SEMA5A: variants seen among roughly 807,000 people sequenced by gnomAD.
SEMA5A encodes the protein semaphorin 5A, also known as semaphorin-5A.
Under a neutral mutation model 135.5 loss-of-function variants are expected in SEMA5A, and 55 were observed. The ratio of observed to expected loss-of-function variants is 0.41; its 90% CI spans 0.33 to 0.51. The LOEUF (loss-of-function observed/expected upper bound fraction) is 0.51, where lower values mean the gene tolerates loss of function less well. Ranked by LOEUF, SEMA5A falls within the 20% of genes least tolerant of loss-of-function variation. The probability of loss-of-function intolerance (pLI) is 0.37; values close to 1 mark genes in which losing one functional copy is unlikely to be tolerated. For synonymous variants in SEMA5A, 580 were observed against 546.5 expected, an observed-to-expected ratio of 1.06 and a Z score of -0.85; for missense variants, 1,290 against 1,419.9, an observed-to-expected ratio of 0.91 and a Z score of 1.47.
intron 8 of SEMA5A, among the ~76,000 whole-genome samples, chr5:9,221,153 C>T (rs1746929508): frequency 6.6e-6 from 1 of 152,170 alleles, no homozygotes; most frequent in East Asian, 1.9e-4. Flanking sequence ...AGAGAGAAGT[C>T]TGAGAGCATC....
chr5:9,477,596 GC>G (rs1759717184), intron 1 of SEMA5A, among the ~76,000 whole-genome samples: 1 of 152,176 alleles, frequency 6.6e-6, no homozygotes, highest in Admixed American at 6.5e-5. Context: ...GAGACTGGTG[GC>G]ATTGTGCCCC....
chr5:9,421,609 C>G (rs1316934077), intron 2 of SEMA5A, among the ~76,000 whole-genome samples: 1 of 152,076 alleles, frequency 6.6e-6, no homozygotes, highest in African/African-American at 2.4e-5. Flanking sequence ...ACCACTTTTC[C>G]AAAATATGTA....
intron 12 of SEMA5A, among the ~76,000 whole-genome samples, chr5:9,152,711 A>G (rs1056627559): frequency 3.3e-5 from 5 of 152,348 alleles, no homozygotes; most frequent in Middle Eastern, 3.4e-3. Flanking sequence ...ATTTGAGTCT[A>G]CAGCAATTCA....
At chr5:9,213,001 G>A (rs988162439) in intron 8 of SEMA5A, among the ~76,000 whole-genome samples, 8 of 152,164 alleles carry the variant, frequency 5.3e-5, no homozygotes, top group African/African-American at 1.9e-4. Context: ...CAGTAGATGT[G>A]GTGTCTGGCA....
chr5:9,266,521 T>C (rs1209558689), intron 5 of SEMA5A, among the ~76,000 whole-genome samples: 1 of 152,218 alleles, frequency 6.6e-6, no homozygotes, highest in Non-Finnish European at 1.5e-5. Flanking sequence ...TTAATGTAAT[T>C]TCAGGCTAAA....
Position 9,405,694 on chromosome 5 carries a change from G to T in SEMA5A, c.-77-25671C>A, listed in dbSNP as rs145780871. ...AATACGTACAAAAGGTGGCCAGAAT[G>T]CTGGGTGCACAGCTAATGGCCAATA... On this transcript the variant is annotated intron_variant, in intron 2 of 22. Transcript: ENST00000382496. Among the ~76,000 whole-genome samples the T allele has an allele frequency of 1.9e-3, 282 of 152,340 alleles. 1 individual carries two copies. The highest frequency in any genetic ancestry group is 6.6e-3 in the African/African-American group (273 of 41,582).
At chr5:9,125,857 C>T (rs763818193) in intron 13 of SEMA5A, among the ~76,000 whole-genome samples, 22 of 152,110 alleles carry the variant, frequency 1.4e-4, no homozygotes, top group Non-Finnish European at 2.4e-4. Context: ...CAACATTCTC[C>T]TTTCACCTGT....
At chr5:9,448,552 C>T (rs1396706963) in intron 1 of SEMA5A, among the ~76,000 whole-genome samples, 1 of 152,224 alleles carries the variant, frequency 6.6e-6, no homozygotes, top group African/African-American at 2.4e-5. Context: ...CAGTATTAAA[C>T]TGACTGCTGG....
chr5:9,200,101 T>G (rs1287874858), intron 9 of SEMA5A, among the ~76,000 whole-genome samples: 6 of 152,200 alleles, frequency 3.9e-5, no homozygotes, highest in African/African-American at 1.4e-4. Flanking sequence ...TGGAAAATAT[T>G]GTGAAATTTG....
At chr5:9,479,241 C>T (rs1759782250) in intron 1 of SEMA5A, among the ~76,000 whole-genome samples, 1 of 152,078 alleles carries the variant, frequency 6.6e-6, no homozygotes, top group South Asian at 2.1e-4. Context: ...ACAGACTAAT[C>T]TACATGGTGA....
intron 2 of SEMA5A, among the ~76,000 whole-genome samples, chr5:9,414,855 G>A (rs764566714): frequency 4.6e-5 from 7 of 152,130 alleles, no homozygotes; most frequent in African/African-American, 9.7e-5. Flanking sequence ...CCAAGAGCCC[G>A]TTACCTTGTA....
intron 1 of SEMA5A, among the ~76,000 whole-genome samples, chr5:9,526,837 T>A (rs1737150472): frequency 6.6e-6 from 1 of 152,200 alleles, no homozygotes; most frequent in African/African-American, 2.4e-5. Context: ...GGGCTGTCAG[T>A]GACTTCATAA....
At chr5:9,453,572 A>C (rs1317593955) in intron 1 of SEMA5A, among the ~76,000 whole-genome samples, 1 of 152,222 alleles carries the variant, frequency 6.6e-6, no homozygotes, top group African/African-American at 2.4e-5. Context: ...GCTATTGACC[A>C]TGAGTTCAAT....
At chr5:9,275,947 G>C (rs930496916) in intron 5 of SEMA5A, among the ~76,000 whole-genome samples, 5 of 152,168 alleles carry the variant, frequency 3.3e-5, no homozygotes, top group African/African-American at 1.2e-4. Flanking sequence ...CATAATATTG[G>C]AAGTTCTGGC....
At chr5:9,388,800 G>C (rs1337155875) in intron 2 of SEMA5A, among the ~76,000 whole-genome samples, 4 of 152,024 alleles carry the variant, frequency 2.6e-5, no homozygotes, top group Non-Finnish European at 5.9e-5. Flanking sequence ...CCTGGAGGCT[G>C]AGGCAGGAGA....
rs1283377897 is a variant in SEMA5A at position 9,224,680 on chromosome 5, G to T, written c.640C>A (p.Leu214Ile). 1 of 1,614,078 alleles carries T rather than the reference G, an allele frequency of 6.2e-7. No homozygotes were observed. The highest frequency in any genetic ancestry group is 8.5e-7 in the Non-Finnish European group (1 of 1,179,946). ...GGAGTGACGGAAGGCTTACCATTGA[G>T]CCATTTGGAGTTGTACTGCGCCGTG... ...LRTAQYNSKW[L>I]NEPNFVSSYD... Residue 214 changes from leucine (L) to isoleucine (I), a missense_variant, in exon 8 of 23, where the codon CTC (leucine) becomes ATC (isoleucine). Coordinates refer to ENST00000382496, the MANE Select transcript of SEMA5A (RefSeq NM_003966.3).
At chr5:9,424,947 G>C (rs977285356) in intron 2 of SEMA5A, among the ~76,000 whole-genome samples, 3 of 152,174 alleles carry the variant, frequency 2.0e-5, no homozygotes, top group African/African-American at 7.2e-5. Flanking sequence ...CTCTGACCCA[G>C]TGGTGACCTT....
chr5:9,400,108 T>C (rs979019527), intron 2 of SEMA5A, among the ~76,000 whole-genome samples: 3 of 152,044 alleles, frequency 2.0e-5, no homozygotes, highest in Non-Finnish European at 2.9e-5. Context: ...AGTTGAACAA[T>C]GAGAACACAT....
intron 1 of SEMA5A, among the ~76,000 whole-genome samples, chr5:9,506,442 C>T (rs1234306558): frequency 6.6e-6 from 1 of 152,194 alleles, no homozygotes; most frequent in Non-Finnish European, 1.5e-5. Flanking sequence ...AAGTAACTAT[C>T]CAGACAGTCT....
Sources: allele counts gnomAD v4.1 joint callset (sites outside exome capture counted in the v4.1 genomes callset), GRCh38; gene constraint gnomAD v4.1.1; transcripts MANE v1.5; gene names NCBI Gene and HGNC (gene_info 2026-07-23, HGNC 2026-07-21).